The following FAF2 variants were observed in gnomAD, a reference collection of about 807,000 sequenced individuals.
FAF2 encodes the protein FAS-associated factor 2.
FAF2 carries 9 observed loss-of-function variants against 62.3 expected under a neutral mutation model. The ratio of observed to expected loss-of-function variants is 0.14; its 90% CI spans 0.09 to 0.25. FAF2 has a LOEUF of 0.25. Among genes scored for constraint, FAF2 ranks in the 10% least tolerant of loss-of-function variants. FAF2 has a pLI of 1.00. For synonymous variants in FAF2, 202 were observed against 198.0 expected (o/e 1.02, Z -0.17); for missense variants, 368 against 556.2 (o/e 0.66, Z 3.40).
At position 176,504,921 on chromosome 5, in the gene FAF2, G is replaced by A. The variant is rs368539199; in HGVS notation, c.1156-1847G>A. Among the ~76,000 whole-genome samples the A allele has an allele frequency of 2.2e-4, 34 of 152,148 alleles. No individual in the cohort carries two copies. The East Asian group carries it at 3.9e-3, about 17-fold the overall frequency. ...ATGTGTTATCCCACTTACTTGGGAG[G>A]CTGAGGCAGGAGGATTGCTTGAACC... On this transcript the variant is annotated intron_variant, in intron 10 of 10. Coordinates refer to ENST00000261942, the MANE Select transcript of FAF2 (RefSeq NM_014613.3).
chr5:176,503,532 G>T (rs1209772841), intron 10 of FAF2, among the ~76,000 whole-genome samples: 5 of 143,174 alleles, frequency 3.5e-5, no homozygotes, highest in Non-Finnish European at 7.5e-5. Flanking sequence ...TCCAGCCTGA[G>T]TGAAAAAAGC....
chr5:176,498,878 G>A (rs1367282548), intron 8 of FAF2, 36 bp from the exon 9 acceptor site: 1 of 1,501,366 alleles, frequency 6.7e-7, no homozygotes, highest in South Asian at 1.4e-5. Context: ...TTGTGAGAGT[G>A]CTGTTTTTCT....
chr5:176,479,341 C>A, intron 2 of FAF2, 85 bp downstream of exon 2: 1 of 1,068,396 alleles, frequency 9.4e-7, no homozygotes, highest in East Asian at 2.4e-5. Context: ...TAGCAGGAAT[C>A]TTTTCAGTAG....
intron 9 of FAF2, among the ~76,000 whole-genome samples, chr5:176,499,390 G>A (rs1264118449): frequency 6.6e-6 from 1 of 152,138 alleles, no homozygotes; most frequent in African/African-American, 2.4e-5. Context: ...GCCTTCCAAA[G>A]TGTTGGGATT....
intron 8 of FAF2, 94 bp from the exon 9 acceptor site, chr5:176,498,820 T>C: frequency 8.7e-7 from 1 of 1,151,526 alleles, no homozygotes; most frequent in Non-Finnish European, 1.2e-6. Flanking sequence ...TCAACATTTT[T>C]ACACACACAC....
At chr5:176,464,336 AT>A (rs1758429157) in intron 1 of FAF2, among the ~76,000 whole-genome samples, 1 of 152,082 alleles carries the variant, frequency 6.6e-6, no homozygotes, top group African/African-American at 2.4e-5. Context: ...ATATTCGAAT[AT>A]TTATACAGTA....
chr5:176,486,133 A>G (rs1359086310), intron 2 of FAF2, among the ~76,000 whole-genome samples: 1 of 152,176 alleles, frequency 6.6e-6, no homozygotes, highest in Non-Finnish European at 1.5e-5. Flanking sequence ...GCTTCCAGAC[A>G]AGTTTCCTCG....
chr5:176,465,366 C>CTTTTTTTTTTTT (rs70991554), intron 1 of FAF2, among the ~76,000 whole-genome samples: 2 of 115,726 alleles, frequency 1.7e-5, no homozygotes, highest in African/African-American at 3.5e-5. Flanking sequence ...CTTTTTCTTT[C>CTTTTTTTTTTTT]TTTTTTTTTT....
At chr5:176,465,262 T>C (rs1758442805) in intron 1 of FAF2, among the ~76,000 whole-genome samples, 1 of 152,184 alleles carries the variant, frequency 6.6e-6, no homozygotes, top group Non-Finnish European at 1.5e-5. Flanking sequence ...TATCAACATG[T>C]TTGTTGATCT....
intron 7 of FAF2, among the ~76,000 whole-genome samples, chr5:176,495,480 A>G (rs896132078): frequency 2.7e-5 from 4 of 150,754 alleles, no homozygotes; most frequent in Non-Finnish European, 5.9e-5. Flanking sequence ...AAACTCTGTT[A>G]TGGTAAAAAT....
In FAF2 at chr5:176,494,385, G is replaced by A. The variant is rs75402215; in HGVS notation, c.661+110G>A. 6,457 of 862,122 alleles carry A rather than the reference G, an allele frequency of 7.5e-3. 277 individuals carry two copies. In the African/African-American group the frequency reaches 0.096, roughly 13 times the overall value. 53.4% of individuals were successfully genotyped at this position (862,122 alleles called of 1,614,324 possible). A position where few individuals can be genotyped will look rare whatever the true frequency, so the allele number is the denominator to read the frequency against. On this transcript the variant is annotated intron_variant, in intron 7 of 10. Coordinates refer to ENST00000261942, the MANE Select transcript of FAF2 (RefSeq NM_014613.3). This position sits in a 1 kb window ranked among gnomAD's most constrained non-coding sequence, Gnocchi z 4.0. ...AGTGTGTTTGTTCTGTGGTAGATAC[G>A]ACGCTAGTTGCTATTTTATATTGTC...
chr5:176,463,697 T>C (rs1758418188), intron 1 of FAF2, among the ~76,000 whole-genome samples: 1 of 151,332 alleles, frequency 6.6e-6, no homozygotes, highest in South Asian at 2.1e-4. Context: ...TAGTGCGTGG[T>C]AGAATTAGAA....
In FAF2 at chr5:176,494,593, C is replaced by A. The variant is rs919338175; in HGVS notation, c.661+318C>A. 6.6e-6 allele frequency among the ~76,000 whole-genome samples: 1 copy of A among 151,996 alleles called. No individual in the cohort carries two copies. Among genetic ancestry groups the A allele is most frequent in the Admixed American group, 6.6e-5 (1 of 15,256 alleles). ...TTTTTGAGATGGAGTCTTGCTCTGT[C>A]GCCCAGGCTGGAGTGCAGTGGTGCG... On this transcript the variant is annotated intron_variant, in intron 7 of 10. Coordinates refer to ENST00000261942, the MANE Select transcript of FAF2 (RefSeq NM_014613.3). The surrounding 1 kb of genome is among the most constrained non-coding windows in gnomAD (Gnocchi z 4.0).
At chr5:176,485,095 T>C (rs1283776127) in intron 2 of FAF2, among the ~76,000 whole-genome samples, 2 of 152,160 alleles carry the variant, frequency 1.3e-5, no homozygotes, top group Non-Finnish European at 2.9e-5. Context: ...AAGGCATTTT[T>C]TGAGTGGAAG....
chr5:176,455,381 G>A (rs1354079493), intron 1 of FAF2, among the ~76,000 whole-genome samples: 2 of 152,132 alleles, frequency 1.3e-5, no homozygotes, highest in Non-Finnish European at 2.9e-5. Context: ...CCTAGGAGGT[G>A]AAGGCTGCAG....
intron 1 of FAF2, among the ~76,000 whole-genome samples, chr5:176,474,916 A>G (rs564714520): frequency 1.3e-4 from 20 of 152,224 alleles, no homozygotes; most frequent in Non-Finnish European, 2.5e-4. Context: ...ATATGAATGA[A>G]TAATCCTGTC....
At chr5:176,490,307 T>C (rs1226652988) in intron 4 of FAF2, among the ~76,000 whole-genome samples, 24 of 129,170 alleles carry the variant, frequency 1.9e-4, no homozygotes, top group Non-Finnish European at 3.6e-4. Flanking sequence ...TGGGACTCCG[T>C]CTCAAAAAAA....
At chr5:176,449,058 C>T (rs1758120343) in intron 1 of FAF2, among the ~76,000 whole-genome samples, 1 of 152,164 alleles carries the variant, frequency 6.6e-6, no homozygotes, top group South Asian at 2.1e-4. Flanking sequence ...AGTGGTCTGT[C>T]GGGATTTATT....
At chr5:176,491,891 C>T (rs1173715653) in intron 4 of FAF2, among the ~76,000 whole-genome samples, 1 of 152,166 alleles carries the variant, frequency 6.6e-6, no homozygotes, top group Non-Finnish European at 1.5e-5. Flanking sequence ...ACTGTGTCTT[C>T]CCTTCCAAAC....
Sources: gnomAD v4.1 joint callset for allele counts (sites outside exome capture counted in the v4.1 genomes callset) on GRCh38, gnomAD v4.1.1 for gene constraint, Gnocchi (gnomAD v3.1) non-coding constraint, MANE v1.5 for transcripts, NCBI Gene and HGNC (gene_info 2026-07-23, HGNC 2026-07-21) for gene names.